Variants in MFSD6 observed in about 807,000 individuals in gnomAD.
The protein encoded by MFSD6 is major facilitator superfamily domain containing 6, also known as major facilitator superfamily domain-containing protein 6.
MFSD6 carries 26 observed loss-of-function variants against 56.3 expected under a neutral mutation model. The observed-to-expected ratio is 0.46, with a 90% CI of 0.34 to 0.64. MFSD6 has a LOEUF of 0.64. Ranked by LOEUF, MFSD6 falls within the 30% of genes least tolerant of loss-of-function variation. The probability of loss-of-function intolerance (pLI) is 0.01; values close to 1 mark genes in which losing one functional copy is unlikely to be tolerated. For synonymous variants in MFSD6, 331 were observed against 366.9 expected, an observed-to-expected ratio of 0.90 and a Z score of 1.12; for missense variants, 750 against 986.2, an observed-to-expected ratio of 0.76 and a Z score of 3.21.
At position 190,471,430 on chromosome 2, in the gene MFSD6, A is replaced by G. The variant is rs1275127036; in HGVS notation, c.1630+1575A>G. On this transcript the variant is annotated intron_variant, in intron 4 of 7. Transcript: ENST00000392328. The surrounding 1 kb of genome is among the most constrained non-coding windows in gnomAD (Gnocchi z 4.7). ...TTCCAACAGTCTTAGCAAACGGCAC[A>G]CTAGGAGATTATATCCCGCACCTGG... Among the ~76,000 whole-genome samples the G allele has an allele frequency of 6.6e-6, 1 of 152,206 alleles. No homozygotes were observed. The highest frequency in any genetic ancestry group is 1.5e-5 in the Non-Finnish European group (1 of 68,034).
intron 3 of MFSD6, among the ~76,000 whole-genome samples, chr2:190,466,613 G>A (rs1448003592): frequency 1.3e-5 from 2 of 152,056 alleles, no homozygotes; most frequent in Non-Finnish European, 2.9e-5. Flanking sequence ...GCTTATTTTG[G>A]GCAAGTCATT....
chr2:190,478,231 G>GTT (rs1396557841), intron 4 of MFSD6, among the ~76,000 whole-genome samples: 3 of 152,110 alleles, frequency 2.0e-5, no homozygotes, highest in Non-Finnish European at 4.4e-5. Flanking sequence ...CTAGCTACTG[G>GTT]TCTGAAGCCA....
chr2:190,422,781 C>T (rs557036620), intron 2 of MFSD6, among the ~76,000 whole-genome samples: 1 of 152,136 alleles, frequency 6.6e-6, no homozygotes, highest in African/African-American at 2.4e-5. Context: ...TTAAAGTTTT[C>T]TTCCCTTAAT....
rs1685707758 is a variant in MFSD6, at chr2:190,423,886, T to G, written c.-54+8473T>G. ...TTTTAATTTACATTTCCCTAATCATTAATGATGTTGAACATCTTTTCATTT... is the reference window on the plus strand; with the variant it reads ...TTTTAATTTACATTTCCCTAATCATGAATGATGTTGAACATCTTTTCATTT... On this transcript the variant is annotated intron_variant, in intron 2 of 7. Transcript: ENST00000392328. The surrounding 1 kb of genome is among the most constrained non-coding windows in gnomAD (Gnocchi z 4.3). Among the ~76,000 whole-genome samples, 1 of 152,214 alleles carries G rather than the reference T, an allele frequency of 6.6e-6. No individual in the cohort carries two copies. The highest frequency in any genetic ancestry group is 1.5e-5 in the Non-Finnish European group (1 of 68,034).
In MFSD6 at chr2:190,497,495, A is replaced by G; in HGVS notation, c.1948A>G (p.Thr650Ala). ...TCCCTCCAGTCCCGTTCCTATAGCA[A>G]CCATCGACTTGGTACAGCAACAGAC... ...PVPSSPVPIA[T>A]IDLVQQQTED... The change falls in exon 7 of 8, where the codon ACC (threonine) becomes GCC (alanine). Residue 650 changes from threonine (T) to alanine (A), a missense_variant. By Grantham distance (58) the Thr-to-Ala change is moderately conservative. Around this residue, in one of 5 missense-constraint regions of MFSD6, gnomAD observed 172 missense variants for 203.9 expected, o/e 0.84. Transcript: ENST00000392328. This position sits in a 1 kb window ranked among gnomAD's most constrained non-coding sequence, Gnocchi z 5.2. 6.2e-7 allele frequency: 1 copy of G among 1,614,220 alleles called. No individual in the cohort carries two copies. The highest frequency in any genetic ancestry group is 8.5e-7 in the Non-Finnish European group (1 of 1,180,024).
rs185709473 is a variant in MFSD6 at position 190,467,966 on chromosome 2, T to C, written c.1533-1792T>C. Reference sequence around the variant, plus strand: ...AAACTGTTTAATGTGTGGTCCTTTATAGAAAAGTGTTTGCTGACCCCTGAG... The same window carrying C: ...AAACTGTTTAATGTGTGGTCCTTTACAGAAAAGTGTTTGCTGACCCCTGAG... On this transcript the variant is annotated intron_variant, in intron 3 of 7. Coordinates refer to ENST00000392328, the MANE Select transcript of MFSD6 (RefSeq NM_017694.4). The surrounding 1 kb of genome is among the most constrained non-coding windows in gnomAD (Gnocchi z 5.5). 1.3e-5 allele frequency among the ~76,000 whole-genome samples: 2 copies of C among 152,340 alleles called. No homozygotes were observed. The highest frequency in any genetic ancestry group is 4.8e-5 in the African/African-American group (2 of 41,578).
Position 190,499,350 on chromosome 2 carries a change from AT to A in MFSD6, c.2173-662del, listed in dbSNP as rs1038571410. 5.3e-5 allele frequency among the ~76,000 whole-genome samples: 8 copies of A among 152,132 alleles called. No homozygotes were observed. The highest frequency in any genetic ancestry group is 1.9e-4 in the African/African-American group (8 of 41,424). On this transcript the variant is annotated intron_variant, in intron 7 of 7. Coordinates refer to ENST00000392328, the MANE Select transcript of MFSD6 (RefSeq NM_017694.4). This position sits in a 1 kb window ranked among gnomAD's most constrained non-coding sequence, Gnocchi z 6.0. ...TGGGTACTAATTTGGGGGAGAATCC[AT>A]TTAAATTTTTTTTTATTTGTACAAC...
At chr2:190,407,582 A>G (rs192383758), upstream of MFSD6, among the ~76,000 whole-genome samples, 514 of 152,304 alleles carry the variant, frequency 3.4e-3, no homozygotes, top group African/African-American at 0.011. This position sits in a 1 kb window ranked among gnomAD's most constrained non-coding sequence, Gnocchi z 5.4. Context: ...AGGCACACAG[A>G]CATACTTGCC....
Position 190,501,931 on chromosome 2 carries a change from A to G in MFSD6, c.*1713A>G, listed in dbSNP as rs866567601. 1.3e-5 allele frequency: 2 copies of G among 152,636 alleles called. No homozygotes were observed. The highest frequency in any genetic ancestry group is 2.9e-5 in the Non-Finnish European group (2 of 68,026). The allele number at this position is 152,636 out of a possible 1,614,324, so 9.5% of individuals were successfully genotyped here. On this transcript the variant is annotated 3_prime_UTR_variant, in exon 8 of 8. Coordinates refer to ENST00000392328, the MANE Select transcript of MFSD6 (RefSeq NM_017694.4). Reference sequence around the variant, plus strand: ...GGCTTAACCTCACCTATGAATGTACAGTATGTGGATTTGTGAAACTGACTG... The same window carrying G: ...GGCTTAACCTCACCTATGAATGTACGGTATGTGGATTTGTGAAACTGACTG...
rs1685713119 is a variant in MFSD6 at position 190,424,064 on chromosome 2, A to T, written c.-54+8651A>T. Reference sequence around the variant, plus strand: ...TTCGCTGGATTTGTGGTTTCCAAGTATTTTCTCACAGTCTGTAGCTTGTGT... The same window carrying T: ...TTCGCTGGATTTGTGGTTTCCAAGTTTTTTCTCACAGTCTGTAGCTTGTGT... On this transcript the variant is annotated intron_variant, in intron 2 of 7. Transcript: ENST00000392328. This position sits in a 1 kb window ranked among gnomAD's most constrained non-coding sequence, Gnocchi z 5.9. 6.6e-6 allele frequency among the ~76,000 whole-genome samples: 1 copy of T among 152,104 alleles called. No individual in the cohort carries two copies. The highest frequency in any genetic ancestry group is 1.5e-5 in the Non-Finnish European group (1 of 68,026).
intron 4 of MFSD6, among the ~76,000 whole-genome samples, chr2:190,483,653 G>A (rs553477101): frequency 1.3e-5 from 2 of 152,116 alleles, no homozygotes; most frequent in South Asian, 4.2e-4. Flanking sequence ...TGGCCAACAT[G>A]GTGAAACCCT....
intron 2 of MFSD6, among the ~76,000 whole-genome samples, chr2:190,430,249 G>A (rs953009852): frequency 2.8e-5 from 4 of 144,504 alleles, no homozygotes; most frequent in East Asian, 2.0e-4. Flanking sequence ...GGTGTTTCTC[G>A]CAGAGGGGGA....
chr2:190,408,744 T>C (rs1443862669), intron 1 of MFSD6, among the ~76,000 whole-genome samples: 1 of 151,488 alleles, frequency 6.6e-6, no homozygotes, highest in Non-Finnish European at 1.5e-5. Flanking sequence ...GTCATCTTTG[T>C]GGGGTGCTGG....
rs79694094 is a variant in MFSD6 at position 190,488,632 on chromosome 2, C to A, written c.1631-25C>A. The A allele has an allele frequency of 9.1e-6, 13 of 1,424,424 alleles. No individual in the cohort carries two copies. Among genetic ancestry groups the A allele is most frequent in the Non-Finnish European group, 1.0e-5 (11 of 1,080,226 alleles). 88.2% of individuals were successfully genotyped at this position (1,424,424 alleles called of 1,614,324 possible). On this transcript the variant is annotated intron_variant, in intron 4 of 7. Transcript: ENST00000392328. The surrounding 1 kb of genome is among the most constrained non-coding windows in gnomAD (Gnocchi z 6.4). ...GCCTAAGAAATGCTAACCAACTAAT[C>A]CCTCCTGCTCTTCTTCCTCTCCAGG...
At position 190,417,600 on chromosome 2, in the gene MFSD6, C is replaced by A. The variant is rs1342447182; in HGVS notation, c.-54+2187C>A. Reference sequence around the variant, plus strand: ...GAATGTCTTTTTTTCAGTATAATTCCATTGTATTTTGTGTTCTGTCGTCCC... The same window carrying A: ...GAATGTCTTTTTTTCAGTATAATTCAATTGTATTTTGTGTTCTGTCGTCCC... On this transcript the variant is annotated intron_variant, in intron 2 of 7. Coordinates refer to ENST00000392328, the MANE Select transcript of MFSD6 (RefSeq NM_017694.4). The surrounding 1 kb of genome is among the most constrained non-coding windows in gnomAD (Gnocchi z 5.7). Among the ~76,000 whole-genome samples the A allele has an allele frequency of 6.6e-6, 1 of 151,904 alleles. No homozygotes were observed. Among genetic ancestry groups the A allele is most frequent in the Non-Finnish European group, 1.5e-5 (1 of 67,966 alleles).
At chr2:190,493,379 TA>T (rs1689475957) in intron 6 of MFSD6, among the ~76,000 whole-genome samples, 1 of 152,086 alleles carries the variant, frequency 6.6e-6, no homozygotes, top group South Asian at 2.1e-4. Context: ...CCCAAATTTA[TA>T]AAACAATCAC....
At position 190,494,052 on chromosome 2, in the gene MFSD6, T is replaced by C. The variant is rs1689522475; in HGVS notation, c.1892-3387T>C. ...ATTGAAGGAAAAAAAATACAAAAAA[T>C]AAATGAAACAAAAAGCTGGTTGTTT... is the stretch of plus-strand genomic sequence containing the variant. On this transcript the variant is annotated intron_variant, in intron 6 of 7. Transcript: ENST00000392328. The surrounding 1 kb of genome is among the most constrained non-coding windows in gnomAD (Gnocchi z 5.7). Among the ~76,000 whole-genome samples the C allele has an allele frequency of 6.6e-6, 1 of 151,414 alleles. No individual in the cohort carries two copies. Among genetic ancestry groups the C allele is most frequent in the African/African-American group, 2.4e-5 (1 of 41,200 alleles).
intron 3 of MFSD6, among the ~76,000 whole-genome samples, chr2:190,460,981 GAC>G (rs1162564795): frequency 2.0e-5 from 3 of 152,194 alleles, no homozygotes; most frequent in Non-Finnish European, 2.9e-5. Context: ...TGTTAAGTCT[GAC>G]ACAGAACACC....
In MFSD6 at chr2:190,469,080, G is replaced by GT. The variant is rs1338430311; in HGVS notation, c.1533-677dup. On this transcript the variant is annotated intron_variant, in intron 3 of 7. Coordinates refer to ENST00000392328, the MANE Select transcript of MFSD6 (RefSeq NM_017694.4). This position sits in a 1 kb window ranked among gnomAD's most constrained non-coding sequence, Gnocchi z 5.3. ...ACTTATACTTTTGGCAGCGGTAATG[G>GT]TGGGGGTGAGAGAATGCAAGAGGTT... Among the ~76,000 whole-genome samples, 1 of 152,112 alleles carries GT rather than the reference G, an allele frequency of 6.6e-6. No homozygotes were observed. The highest frequency in any genetic ancestry group is 1.5e-5 in the Non-Finnish European group (1 of 68,008).
Sources: gnomAD v4.1 joint callset for allele counts (sites outside exome capture counted in the v4.1 genomes callset) on GRCh38, gnomAD v4.1.1 for gene constraint, gnomAD v4.1.1 regional missense constraint, Gnocchi (gnomAD v3.1) non-coding constraint, MANE v1.5 for transcripts, NCBI Gene and HGNC (gene_info 2026-07-23, HGNC 2026-07-21) for gene names.